SEMA3D: variants seen among roughly 807,000 people sequenced by gnomAD.
The protein encoded by SEMA3D is semaphorin 3D, also known as semaphorin-3D.
Under a neutral mutation model 100.1 loss-of-function variants are expected in SEMA3D, and 84 were observed. The ratio of observed to expected loss-of-function variants is 0.84; its 90% CI spans 0.70 to 1.01. SEMA3D has a LOEUF of 1.01. Ranked by LOEUF, SEMA3D falls within the 50% of genes least tolerant of loss-of-function variation. The pLI, the probability that SEMA3D is intolerant of heterozygous loss-of-function variation, is 0.00. For missense variants in SEMA3D, 875 were observed against 934.1 expected (o/e 0.94, Z 0.82); for synonymous variants, 312 against 320.7 (o/e 0.97, Z 0.29).
At chr7:85,247,683 T>C in the SEMA3D span, among the ~76,000 whole-genome samples, 30 of 152,102 alleles carry the variant, frequency 2.0e-4, no homozygotes, top group Non-Finnish European at 3.4e-4. Context: ...CAACGTAACA[T>C]TGGCTAAAGA....
chr7:85,212,940 T>C, the SEMA3D span, among the ~76,000 whole-genome samples: 1 of 152,036 alleles, frequency 6.6e-6, no homozygotes, highest in Non-Finnish European at 1.5e-5. Context: ...GCTAAAATAT[T>C]GCCCAGAAGA....
chr7:85,003,275 T>TA (rs1400450496), intron 18 of SEMA3D, among the ~76,000 whole-genome samples: 6 of 152,082 alleles, frequency 3.9e-5, no homozygotes, highest in African/African-American at 1.2e-4. Flanking sequence ...ATTAATATTT[T>TA]AAGTAAACAT....
chr7:85,003,080 A>C (rs556040362), intron 18 of SEMA3D, among the ~76,000 whole-genome samples: 1 of 152,252 alleles, frequency 6.6e-6, no homozygotes, highest in Non-Finnish European at 1.5e-5. Context: ...GAGAAAACAA[A>C]TGTCTGCAAA....
chr7:85,119,005 A>C (rs1789330282), intron 3 of SEMA3D, among the ~76,000 whole-genome samples: 1 of 152,154 alleles, frequency 6.6e-6, no homozygotes, highest in African/African-American at 2.4e-5. Context: ...ATCATGTGAA[A>C]AAAAAAACTC....
the SEMA3D span, among the ~76,000 whole-genome samples, chr7:85,236,094 A>G: frequency 1.3e-5 from 2 of 151,976 alleles, no homozygotes; most frequent in East Asian, 3.9e-4. Flanking sequence ...GTATAAGGCA[A>G]TTACACATTG....
At chr7:85,010,526 G>A (rs1289361627) in intron 17 of SEMA3D, among the ~76,000 whole-genome samples, 1 of 151,756 alleles carries the variant, frequency 6.6e-6, no homozygotes, top group Non-Finnish European at 1.5e-5. Context: ...ATGATGAGAA[G>A]TAGGAAAGCT....
chr7:85,155,042 A>G (rs888575240), intron 1 of SEMA3D, among the ~76,000 whole-genome samples: 26 of 152,142 alleles, frequency 1.7e-4, no homozygotes, highest in Non-Finnish European at 1.0e-4. Context: ...CTTGCATTGC[A>G]AAGTTTTTTC....
chr7:85,033,828 G>A (rs1459074105), intron 12 of SEMA3D, among the ~76,000 whole-genome samples: 1 of 148,732 alleles, frequency 6.7e-6, no homozygotes, highest in African/African-American at 2.5e-5. Flanking sequence ...GATCCTTCTA[G>A]AGCTGTTTTC....
intron 1 of SEMA3D, among the ~76,000 whole-genome samples, chr7:85,158,354 G>T (rs1790654357): frequency 6.6e-6 from 1 of 152,134 alleles, no homozygotes; most frequent in Admixed American, 6.6e-5. Flanking sequence ...CTCGAAAATG[G>T]CCGCTTTGGG....
At chr7:85,052,497 GAAAAACAAACAAACA>G (rs967528881) in intron 9 of SEMA3D, among the ~76,000 whole-genome samples, 3 of 151,486 alleles carry the variant, frequency 2.0e-5, no homozygotes, top group African/African-American at 7.3e-5. Context: ...AAATAAAAAC[GAAAAACAAACAAACA>G]AAAAACAACT....
chr7:85,038,567 C>T (rs752852030), intron 11 of SEMA3D, among the ~76,000 whole-genome samples: 14 of 152,260 alleles, frequency 9.2e-5, no homozygotes, highest in African/African-American at 3.4e-4. Context: ...CTTGTAACTT[C>T]ACACTCTGGG....
chr7:85,143,778 G>A (rs954214030), intron 2 of SEMA3D, among the ~76,000 whole-genome samples: 3 of 150,708 alleles, frequency 2.0e-5, no homozygotes. Flanking sequence ...CTGTAGTGCA[G>A]TAGCATGGTC....
chr7:85,224,386 G>A, the SEMA3D span, among the ~76,000 whole-genome samples: 1 of 152,154 alleles, frequency 6.6e-6, no homozygotes, highest in African/African-American at 2.4e-5. Flanking sequence ...CGTCGTCTTG[G>A]ATAAATGGTA....
chr7:85,233,249 A>G, the SEMA3D span, among the ~76,000 whole-genome samples: 1 of 152,182 alleles, frequency 6.6e-6, no homozygotes, highest in African/African-American at 2.4e-5. Context: ...ATGAAAAAAA[A>G]AAAAGATGTT....
At chr7:85,186,278 T>C (rs904816458) in intron 1 of SEMA3D, among the ~76,000 whole-genome samples, 1 of 152,066 alleles carries the variant, frequency 6.6e-6, no homozygotes, top group African/African-American at 2.4e-5. Flanking sequence ...CGGGGACACA[T>C]TCATAGACGC....
intron 3 of SEMA3D, among the ~76,000 whole-genome samples, chr7:85,106,521 T>A (rs189510264): frequency 2.1e-4 from 32 of 152,226 alleles, no homozygotes; most frequent in Non-Finnish European, 7.4e-5. Context: ...ATAACAATAT[T>A]GTTTTATAAA....
intron 4 of SEMA3D, among the ~76,000 whole-genome samples, chr7:85,090,188 C>T (rs1452735097): frequency 1.3e-5 from 2 of 152,082 alleles, no homozygotes; most frequent in Non-Finnish European, 2.9e-5. Flanking sequence ...ATGGTGAGCG[C>T]TCAATAATTA....
intron 14 of SEMA3D, among the ~76,000 whole-genome samples, chr7:85,019,420 TATC>T: frequency 6.6e-6 from 1 of 151,658 alleles, no homozygotes; most frequent in Non-Finnish European, 1.5e-5. Flanking sequence ...TGACCACTAT[TATC>T]ATCACAACAT....
the SEMA3D span, among the ~76,000 whole-genome samples, chr7:85,221,843 G>T: frequency 2.6e-5 from 4 of 151,970 alleles, no homozygotes; most frequent in Non-Finnish European, 4.4e-5. Context: ...AAAACATAGT[G>T]TATAATTATA....
Sources: gnomAD v4.1 joint callset for allele counts (sites outside exome capture counted in the v4.1 genomes callset) on GRCh38, gnomAD v4.1.1 for gene constraint, MANE v1.5 for transcripts, NCBI Gene and HGNC (gene_info 2026-07-23, HGNC 2026-07-21) for gene names.